The following NDUFS3 variants were observed in gnomAD, a reference collection of about 807,000 sequenced individuals.
The protein encoded by NDUFS3 is NADH dehydrogenase [ubiquinone] iron-sulfur protein 3, mitochondrial.
NDUFS3 carries 19 observed loss-of-function variants against 30.8 expected under a neutral mutation model. That is an observed-to-expected ratio of 0.62 (90% confidence interval 0.43 to 0.91). The LOEUF is 0.91. Ranked by LOEUF, NDUFS3 falls within the 40% of genes least tolerant of loss-of-function variation. The probability of loss-of-function intolerance (pLI) is 0.00; values close to 1 mark genes in which losing one functional copy is unlikely to be tolerated. For synonymous variants in NDUFS3, 153 were observed against 135.8 expected, an observed-to-expected ratio of 1.13 and a Z score of -0.88; for missense variants, 331 against 342.0, an observed-to-expected ratio of 0.97 and a Z score of 0.25.
At chr11:47,583,241 G>A (rs533720916) in intron 6 of NDUFS3, among the ~76,000 whole-genome samples, 4 of 152,150 alleles carry the variant, frequency 2.6e-5, no homozygotes, top group African/African-American at 9.6e-5. Flanking sequence ...TGTAGAGACG[G>A]GGTTTCTCCA....
At chr11:47,583,476 C>G (rs1402497223) in intron 6 of NDUFS3, among the ~76,000 whole-genome samples, 3 of 152,096 alleles carry the variant, frequency 2.0e-5, no homozygotes, top group Non-Finnish European at 4.4e-5. Context: ...AAGGCAGTGA[C>G]GGGGAAGACA....
chr11:47,583,043 A>G (rs1003212119), intron 6 of NDUFS3, among the ~76,000 whole-genome samples: 2 of 151,438 alleles, frequency 1.3e-5, no homozygotes, highest in African/African-American at 2.4e-5. Flanking sequence ...TAAAGGCTCA[A>G]TTGATGCTGT....
At chr11:47,582,312 T>C (rs1431546885) in intron 5 of NDUFS3, 37 bp from the exon 6 acceptor site, 1 of 1,614,224 alleles carries the variant, frequency 6.2e-7, no homozygotes, top group East Asian at 2.2e-5. Context: ...GTTGTTAGTC[T>C]TGATGGATTG....
At position 47,584,336 on chromosome 11, in the gene NDUFS3, A is replaced by T. The variant is rs1176006130; in HGVS notation, c.650A>T (p.Lys217Met). The T allele has an allele frequency of 6.2e-7, 1 of 1,614,032 alleles. No homozygotes were observed. Among genetic ancestry groups the T allele is most frequent in the South Asian group, 1.1e-5 (1 of 91,066 alleles). The part of the protein sequence containing the change: ...YVELRYDDEV[K>M]RVVAEPVELA... Reference sequence around the variant, plus strand: ...CAGTTACGTTATGATGATGAAGTGAAGCGGGTGGTGGCAGAGCCGGTGGAG... The same window carrying T: ...CAGTTACGTTATGATGATGAAGTGATGCGGGTGGTGGCAGAGCCGGTGGAG... The change falls in exon 7 of 7, where the codon AAG (lysine) becomes ATG (methionine). Residue 217 changes from lysine to methionine, a missense_variant. Coordinates refer to ENST00000263774, the MANE Select transcript of NDUFS3 (RefSeq NM_004551.3).
Position 47,579,157 on chromosome 11 carries a change from G to A in NDUFS3, c.66G>A (p.Arg22=). The change falls in exon 1 of 7, where the codon AGG becomes AGA. Residue 22 remains arginine, a splice_region_variant and synonymous_variant. Coordinates refer to ENST00000263774, the MANE Select transcript of NDUFS3 (RefSeq NM_004551.3). ...RGILGASALT[R]GTGRPSVLLL... is the part of the protein sequence containing the mutation. ...TCTTGGGGGCCTCGGCGCTGACCAGGGGTGAGCACGGGCAGCCAGCTGAGA... is the reference window on the plus strand; with the variant it reads ...TCTTGGGGGCCTCGGCGCTGACCAGAGGTGAGCACGGGCAGCCAGCTGAGA... The A allele has an allele frequency of 6.2e-7, 1 of 1,610,082 alleles. No individual in the cohort carries two copies. The highest frequency in any genetic ancestry group is 1.1e-5 in the South Asian group (1 of 90,754).
intron 4 of NDUFS3, chr11:47,581,451 G>C (rs1230540919): frequency 4.3e-6 from 1 of 234,260 alleles, no homozygotes; most frequent in Admixed American, 5.2e-5. Flanking sequence ...CACCATGCCC[G>C]GCCCTTGTTT....
rs36201718 is a variant in NDUFS3, at chr11:47,579,984, GACACACACACACACACACACACACAC to G, written c.134-520_134-495del. On this transcript the variant is annotated intron_variant, in intron 2 of 6. Transcript: ENST00000263774. Reference sequence around the variant, plus strand: ...TTCTCCTTTCCTGGGTTTTCTCATTGACACACACACACACACACACACACACACACACACACACACACACACCTGGG... The same window carrying G: ...TTCTCCTTTCCTGGGTTTTCTCATTGACACACACACACACACACACCTGGG... 9.1e-3 allele frequency among the ~76,000 whole-genome samples: 1,262 copies of G among 139,394 alleles called. 10 individuals carry two copies. Among genetic ancestry groups the G allele is most frequent in the Non-Finnish European group, 0.014 (914 of 64,614 alleles). 91.4% of individuals were successfully genotyped at this position (139,394 alleles called of 152,430 possible).
intron 4 of NDUFS3, 89 bp downstream of exon 4, chr11:47,581,073 C>T (rs1400892304): frequency 1.1e-5 from 17 of 1,516,230 alleles, no homozygotes; most frequent in Non-Finnish European, 1.5e-5. Flanking sequence ...TAAACTGGAA[C>T]TTCAGAGTCA....
intron 2 of NDUFS3, among the ~76,000 whole-genome samples, chr11:47,580,309 G>GT (rs1491128443): frequency 6.6e-6 from 1 of 152,200 alleles, no homozygotes; most frequent in Non-Finnish European, 1.5e-5. Flanking sequence ...AGCTGCTATA[G>GT]TAAGAGTCTT....
At chr11:47,581,971 T>C (rs2097269003) in intron 4 of NDUFS3, 117 bp from the exon 5 acceptor site, 9 of 1,396,916 alleles carry the variant, frequency 6.4e-6, no homozygotes, top group Non-Finnish European at 9.1e-6. Context: ...GAAGTAGTTG[T>C]AAGCATAGGA....
intron 6 of NDUFS3, among the ~76,000 whole-genome samples, chr11:47,583,276 C>T (rs1175278956): frequency 6.6e-6 from 1 of 152,080 alleles, no homozygotes; most frequent in Non-Finnish European, 1.5e-5. Flanking sequence ...GTCTCGAATT[C>T]CTGGGCTCAA....
chr11:47,580,684 G>A, intron 3 of NDUFS3, 62 bp downstream of exon 3: 1 of 1,587,552 alleles, frequency 6.3e-7, no homozygotes, highest in Non-Finnish European at 8.7e-7. Flanking sequence ...CAGGGCATGT[G>A]GGAGTGGGCA....
rs778828840 is a variant in NDUFS3 at position 47,580,575 on chromosome 11, G to C, written c.184G>C (p.Gly62Arg). 3.7e-6 allele frequency: 6 copies of C among 1,614,072 alleles called. No individual in the cohort carries two copies. The highest frequency in any genetic ancestry group is 4.2e-6 in the Non-Finnish European group (5 of 1,180,030). The change falls in exon 3 of 7, where the codon GGA becomes CGA. Residue 62 changes from glycine to arginine, a missense_variant. By Grantham distance (125) the Gly-to-Arg change is moderately radical. Transcript: ENST00000263774. ...DVAHKQLSAF[G>R]EYVAEILPKY... ...GGCCCACAAGCAGCTCTCAGCTTTT[G>C]GAGAGTATGTGGCTGAAATCTTGCC...
Position 47,579,115 on chromosome 11 carries a change from G to A in NDUFS3, c.24G>A (p.Arg8=), listed in dbSNP as rs1479609982. 2 of 1,586,458 alleles carry A rather than the reference G, an allele frequency of 1.3e-6. No homozygotes were observed. Among genetic ancestry groups the A allele is most frequent in the Non-Finnish European group, 1.7e-6 (2 of 1,168,124 alleles). Residue 8 remains arginine (R), a synonymous_variant, in exon 1 of 7, where the codon AGG becomes AGA. Transcript: ENST00000263774. The stretch of plus-strand genomic sequence containing the variant: ...ACATGGCGGCGGCGGCGGTAGCCAG[G>A]CTGTGGTGGCGCGGGATCTTGGGGG... The part of the protein sequence containing the change: MAAAAVA[R]LWWRGILGAS...
chr11:47,582,530 C>T (rs1388526799), intron 6 of NDUFS3, 62 bp downstream of exon 6: 4 of 1,611,482 alleles, frequency 2.5e-6, no homozygotes, highest in Non-Finnish European at 3.4e-6. Flanking sequence ...CCCAGGGGAT[C>T]CCTGGGAATG....
At position 47,580,588 on chromosome 11, in the gene NDUFS3, C is replaced by G. The variant is rs1362515503; in HGVS notation, c.197C>G (p.Ala66Gly). 6.2e-7 allele frequency: 1 copy of G among 1,614,060 alleles called. No individual in the cohort carries two copies. The highest frequency in any genetic ancestry group is 1.7e-5 in the Admixed American group (1 of 60,002). The change falls in exon 3 of 7, where the codon GCT becomes GGT. Residue 66 changes from alanine (A) to glycine (G), a missense_variant. By Grantham distance (60) the Ala-to-Gly change is moderately conservative. Transcript: ENST00000263774. ...KQLSAFGEYV[A>G]EILPKYVQQV... ...CTCTCAGCTTTTGGAGAGTATGTGG[C>G]TGAAATCTTGCCCAAGTATGTCCAA...
intron 2 of NDUFS3, 81 bp downstream of exon 2, chr11:47,579,415 C>A: frequency 1.3e-6 from 2 of 1,551,078 alleles, no homozygotes; most frequent in Non-Finnish European, 1.8e-6. Context: ...GGATGCCCTT[C>A]CCTACGTCCT....
intron 6 of NDUFS3, 45 bp from the exon 7 acceptor site, chr11:47,584,266 TATA>T (rs776876544): frequency 1.4e-5 from 22 of 1,612,332 alleles, no homozygotes; most frequent in African/African-American, 5.3e-5. Context: ...CCTGTGTAGC[TATA>T]ATAAGGACTT....
chr11:47,584,022 A>G (rs1044188642), intron 6 of NDUFS3, among the ~76,000 whole-genome samples: 2 of 152,052 alleles, frequency 1.3e-5, no homozygotes, highest in African/African-American at 4.8e-5. Context: ...TGGGTGGGTG[A>G]GCAGTCAGTT....
Sources: allele counts gnomAD v4.1 joint callset (sites outside exome capture counted in the v4.1 genomes callset), GRCh38; gene constraint gnomAD v4.1.1; transcripts MANE v1.5; gene names NCBI Gene and HGNC (gene_info 2026-07-23, HGNC 2026-07-21).